The following CAMK1G variants were observed in gnomAD, a reference collection of about 807,000 sequenced individuals.
CAMK1G encodes calcium/calmodulin-dependent protein kinase type 1G.
A neutral mutation model predicts 54.8 loss-of-function variants in CAMK1G; 27 were observed. The ratio of observed to expected loss-of-function variants is 0.49; its 90% CI spans 0.36 to 0.68. The LOEUF (loss-of-function observed/expected upper bound fraction) is 0.68, where lower values mean the gene tolerates loss of function less well. Ranked by LOEUF, CAMK1G falls within the 30% of genes least tolerant of loss-of-function variation. The pLI, the probability that CAMK1G is intolerant of heterozygous loss-of-function variation, is 0.00. For synonymous variants in CAMK1G, 238 were observed against 224.9 expected, an observed-to-expected ratio of 1.06 and a Z score of -0.52; for missense variants, 512 against 591.0, an observed-to-expected ratio of 0.87 and a Z score of 1.39.
chr1:209,586,220 C>T (rs768607338), intron 1 of CAMK1G, among the ~76,000 whole-genome samples: 2 of 151,060 alleles, frequency 1.3e-5, no homozygotes, highest in Non-Finnish European at 1.5e-5. Flanking sequence ...AGAGGCACCT[C>T]TTGCATGGGA....
At chr1:209,592,601 G>C (rs1404965051) in intron 1 of CAMK1G, among the ~76,000 whole-genome samples, 2 of 152,190 alleles carry the variant, frequency 1.3e-5, no homozygotes, top group African/African-American at 4.8e-5. Flanking sequence ...CCCACCAGCA[G>C]GGTCCTGGTA....
chr1:209,609,943 G>A lies in CAMK1G; in HGVS notation c.827+14G>A. 1 of 1,607,644 alleles carries A rather than the reference G, an allele frequency of 6.2e-7. No homozygotes were observed. Among genetic ancestry groups the A allele is most frequent in the Non-Finnish European group, 8.5e-7 (1 of 1,174,134 alleles). ...GAGTCATCCCTGGTGAGTGAGACAT[G>A]GAGTGGACTCTAGACCCCAGCCCTG... On this transcript the variant is annotated intron_variant, in intron 9 of 12. Coordinates refer to ENST00000361322, the MANE Select transcript of CAMK1G (RefSeq NM_020439.3).
At chr1:209,585,835 G>C (rs1310406428) in intron 1 of CAMK1G, among the ~76,000 whole-genome samples, 1 of 152,262 alleles carries the variant, frequency 6.6e-6, no homozygotes, top group Non-Finnish European at 1.5e-5. Flanking sequence ...GCCAGCGAGT[G>C]AATGAGCTGC....
At chr1:209,595,219 G>A (rs1358904385) in intron 2 of CAMK1G, 144 bp downstream of exon 2, 1 of 619,324 alleles carries the variant, frequency 1.6e-6, no homozygotes, top group African/African-American at 1.9e-5. Context: ...CTTAGGGAGA[G>A]TTTTGTGGCC....
At chr1:209,599,200 A>G (rs1665464998) in intron 2 of CAMK1G, among the ~76,000 whole-genome samples, 1 of 152,204 alleles carries the variant, frequency 6.6e-6, no homozygotes. Context: ...CCATGAGCCA[A>G]TCACCTCTAC....
chr1:209,589,804 T>G (rs1003049744), intron 1 of CAMK1G, among the ~76,000 whole-genome samples: 2 of 152,238 alleles, frequency 1.3e-5, no homozygotes, highest in Non-Finnish European at 2.9e-5. Flanking sequence ...TAGAAATGTC[T>G]ATTTATAGCC....
At chr1:209,607,694 C>T in intron 6 of CAMK1G, 164 bp from the exon 7 acceptor site, 1 of 604,476 alleles carries the variant, frequency 1.7e-6, no homozygotes, top group Admixed American at 2.9e-5. Flanking sequence ...TTTAGTCTTC[C>T]CAGAAGAGAC....
chr1:209,590,303 ACCT>A lies in CAMK1G; in HGVS notation c.-29-4649_-29-4647del, dbSNP rs1665213641. ...ACCCCTTTCAAAGCCCACTGTTCAG[ACCT>A]CCACCACACAGGGCATGGGAGTCTT... On this transcript the variant is annotated intron_variant, in intron 1 of 12. Transcript: ENST00000361322. Among the ~76,000 whole-genome samples, 4 of 152,098 alleles carry A rather than the reference ACCT, an allele frequency of 2.6e-5. No individual in the cohort carries two copies. The South Asian group carries it at 8.3e-4, about 32-fold the overall frequency.
intron 4 of CAMK1G, among the ~76,000 whole-genome samples, 195 bp downstream of exon 4, chr1:209,603,483 C>T (rs1298936277): frequency 2.6e-5 from 4 of 152,216 alleles, no homozygotes; most frequent in Admixed American, 1.3e-4. Context: ...ATGTGGGCCA[C>T]AGGGTAAACC....
At chr1:209,611,438 G>T in intron 9 of CAMK1G, 27 bp from the exon 10 acceptor site, 1 of 1,611,780 alleles carries the variant, frequency 6.2e-7, no homozygotes, top group Middle Eastern at 1.7e-4. Context: ...CCACCCAGTA[G>T]CCAGGTGTCC....
chr1:209,599,051 G>T (rs1311838492), intron 2 of CAMK1G, among the ~76,000 whole-genome samples: 1 of 152,192 alleles, frequency 6.6e-6, no homozygotes, highest in Non-Finnish European at 1.5e-5. Flanking sequence ...CATGGCAGAA[G>T]GTGAAGGGGA....
Position 209,595,072 on chromosome 1 carries a change from G to C in CAMK1G, c.89G>C (p.Gly30Ala), listed in dbSNP as rs765907363. 3.1e-6 allele frequency: 5 copies of C among 1,613,562 alleles called. No individual in the cohort carries two copies. The highest frequency in any genetic ancestry group is 4.2e-6 in the Non-Finnish European group (5 of 1,179,538). Residue 30 changes from glycine (G) to alanine (A), a missense_variant, in exon 2 of 13, where the codon GGA becomes GCA. Physicochemically the swap from Gly to Ala is moderately conservative, Grantham distance 60. Coordinates refer to ENST00000361322, the MANE Select transcript of CAMK1G (RefSeq NM_020439.3). ...ACCTTCATTTTTATGGAAGTGCTGGGATCGTAAGTCCTGGGGCTGTGAGGT... is the reference window on the plus strand; with the variant it reads ...ACCTTCATTTTTATGGAAGTGCTGGCATCGTAAGTCCTGGGGCTGTGAGGT... ...RKTFIFMEVL[G>A]SGAFSEVFLV...
At chr1:209,593,956 G>A (rs1037130993) in intron 1 of CAMK1G, among the ~76,000 whole-genome samples, 3 of 152,076 alleles carry the variant, frequency 2.0e-5, no homozygotes, top group Admixed American at 6.5e-5. Context: ...ACCATACGGA[G>A]CTCACTCTGC....
At chr1:209,590,763 C>T (rs374363894) in intron 1 of CAMK1G, among the ~76,000 whole-genome samples, 5 of 152,040 alleles carry the variant, frequency 3.3e-5, no homozygotes, top group Admixed American at 6.6e-5. Context: ...GGCACATAGG[C>T]GGCTGATTTT....
chr1:209,586,440 A>G (rs565281223), intron 1 of CAMK1G, among the ~76,000 whole-genome samples: 33 of 152,274 alleles, frequency 2.2e-4, no homozygotes, highest in Non-Finnish European at 3.7e-4. Context: ...GAAAAATCAT[A>G]TATCTTTAAA....
At chr1:209,607,448 T>C (rs1273290186) in intron 6 of CAMK1G, among the ~76,000 whole-genome samples, 1 of 152,160 alleles carries the variant, frequency 6.6e-6, no homozygotes, top group African/African-American at 2.4e-5. Context: ...GCTCCCAGTC[T>C]AGTGGAGGAG....
Position 209,612,894 on chromosome 1 carries a change from A to G in CAMK1G, c.*19A>G, listed in dbSNP as rs755048017. ...TATGTGATTCCTGGAGCCTGTGCCTATGTCACTGCAATTTTCAGGTTAGGA... is the reference window on the plus strand; with the variant it reads ...TATGTGATTCCTGGAGCCTGTGCCTGTGTCACTGCAATTTTCAGGTTAGGA... On this transcript the variant is annotated 3_prime_UTR_variant, in exon 12 of 13. Coordinates refer to ENST00000361322, the MANE Select transcript of CAMK1G (RefSeq NM_020439.3). 2 of 1,530,998 alleles carry G rather than the reference A, an allele frequency of 1.3e-6. No individual in the cohort carries two copies. Among genetic ancestry groups the G allele is most frequent in the East Asian group, 2.2e-5 (1 of 44,524 alleles). 94.8% of individuals were successfully genotyped at this position (1,530,998 alleles called of 1,614,324 possible). A position where few individuals can be genotyped will look rare whatever the true frequency, so the allele number is the denominator to read the frequency against.
intron 4 of CAMK1G, among the ~76,000 whole-genome samples, chr1:209,603,498 C>G (rs1673262379): frequency 6.6e-6 from 1 of 152,168 alleles, no homozygotes; most frequent in Non-Finnish European, 1.5e-5. Context: ...TAAACCTGGG[C>G]TGATTATTAA....
chr1:209,592,477 C>T (rs1665282199), intron 1 of CAMK1G, among the ~76,000 whole-genome samples: 3 of 152,112 alleles, frequency 2.0e-5, no homozygotes, highest in Admixed American at 2.0e-4. Context: ...TTTGGAGTCT[C>T]TGCCCAGCAT....
Sources: gnomAD v4.1 joint callset for allele counts (sites outside exome capture counted in the v4.1 genomes callset) on GRCh38, gnomAD v4.1.1 for gene constraint, MANE v1.5 for transcripts, NCBI Gene and HGNC (gene_info 2026-07-23, HGNC 2026-07-21) for gene names.